The following SLC30A8 variants were observed in gnomAD, a reference collection of about 807,000 sequenced individuals.
SLC30A8 encodes proton-coupled zinc antiporter SLC30A8.
A neutral mutation model predicts 36.9 loss-of-function variants in SLC30A8; 27 were observed. The observed-to-expected ratio is 0.73, with a 90% CI of 0.54 to 1.01. The LOEUF (loss-of-function observed/expected upper bound fraction) is 1.01. Ranked by LOEUF, SLC30A8 falls within the 50% of genes least tolerant of loss-of-function variation. The pLI is 0.00. For synonymous variants in SLC30A8, 164 were observed against 172.4 expected, an observed-to-expected ratio of 0.95 and a Z score of 0.38; for missense variants, 439 against 452.0, an observed-to-expected ratio of 0.97 and a Z score of 0.26.
chr8:117,110,264 A>T (rs1180565045), intron 2 of SLC30A8, among the ~76,000 whole-genome samples: 2 of 152,224 alleles, frequency 1.3e-5, no homozygotes, highest in African/African-American at 2.4e-5. Flanking sequence ...ATTACTTAAA[A>T]AAAAAAAGCC....
At chr8:116,958,647 C>T (rs1448311671) in intron 1 of SLC30A8, among the ~76,000 whole-genome samples, 1 of 151,798 alleles carries the variant, frequency 6.6e-6, no homozygotes, top group African/African-American at 2.4e-5. Context: ...TTTGATGTGT[C>T]TATCTTTGTG....
At chr8:117,061,382 C>A (rs1344701076) in intron 2 of SLC30A8, among the ~76,000 whole-genome samples, 1 of 152,218 alleles carries the variant, frequency 6.6e-6, no homozygotes, top group Non-Finnish European at 1.5e-5. Flanking sequence ...TTTCTCATAG[C>A]ATTCCTATAA....
chr8:117,153,722 G>C (rs1822312238), intron 3 of SLC30A8, among the ~76,000 whole-genome samples: 1 of 138,626 alleles, frequency 7.2e-6, no homozygotes. Context: ...TCATGATAAG[G>C]GGTGTGTGTG....
At chr8:117,171,799 G>C (rs952439517) in intron 7 of SLC30A8, among the ~76,000 whole-genome samples, 1 of 152,124 alleles carries the variant, frequency 6.6e-6, no homozygotes, top group Non-Finnish European at 1.5e-5. Flanking sequence ...ACTGCCTCAA[G>C]AGAAAGCTCA....
intron 1 of SLC30A8, among the ~76,000 whole-genome samples, chr8:117,145,350 C>T (rs949588688): frequency 6.6e-6 from 1 of 151,596 alleles, no homozygotes; most frequent in African/African-American, 2.4e-5. Context: ...TTATTTTTCC[C>T]TCTACTTTGT....
chr8:117,049,898 A>G (rs1000522654), intron 2 of SLC30A8, among the ~76,000 whole-genome samples: 1 of 152,180 alleles, frequency 6.6e-6, no homozygotes, highest in Non-Finnish European at 1.5e-5. Context: ...ACTCTGAAAA[A>G]CAATCTTCCT....
chr8:117,015,684 G>A (rs1246668515), intron 1 of SLC30A8, among the ~76,000 whole-genome samples: 5 of 152,054 alleles, frequency 3.3e-5, no homozygotes, highest in African/African-American at 1.2e-4. Context: ...TTTTCCTCAT[G>A]ACATCTGTCT....
chr8:117,047,162 G>A (rs537614684), intron 2 of SLC30A8, among the ~76,000 whole-genome samples: 1 of 152,308 alleles, frequency 6.6e-6, no homozygotes, highest in Admixed American at 6.5e-5. Flanking sequence ...TTCCTTTGGA[G>A]GGAGTGTGGG....
intron 6 of SLC30A8, among the ~76,000 whole-genome samples, chr8:117,169,860 A>T (rs1823281820): frequency 6.6e-6 from 1 of 151,872 alleles, no homozygotes; most frequent in Admixed American, 6.6e-5. Context: ...TGACCCAAAC[A>T]CCTCCCACCA....
At chr8:117,073,159 A>G (rs149502989) in intron 2 of SLC30A8, among the ~76,000 whole-genome samples, 247 of 152,264 alleles carry the variant, frequency 1.6e-3, no homozygotes, top group African/African-American at 5.8e-3. Context: ...AAGTAGATGC[A>G]ATTCTACATG....
At chr8:117,097,693 A>G (rs1586507916) in intron 2 of SLC30A8, among the ~76,000 whole-genome samples, 1 of 10,630 alleles carries the variant, frequency 9.4e-5, no homozygotes, top group Non-Finnish European at 1.2e-4. Context: ...TATTATATAT[A>G]ATATATATAA....
At chr8:117,040,966 T>C (rs914748733) in intron 2 of SLC30A8, among the ~76,000 whole-genome samples, 2 of 152,166 alleles carry the variant, frequency 1.3e-5, no homozygotes. Context: ...TGTTAGGGGC[T>C]TTCTCCCATA....
intron 3 of SLC30A8, among the ~76,000 whole-genome samples, chr8:117,153,660 G>A (rs910243119): frequency 1.6e-4 from 10 of 61,040 alleles, no homozygotes; most frequent in African/African-American, 1.1e-3. Context: ...CCTTTCTTGC[G>A]CTGGTTCCTT....
chr8:117,154,669 C>CAGCG (rs540754140), intron 3 of SLC30A8, among the ~76,000 whole-genome samples: 2 of 152,182 alleles, frequency 1.3e-5, no homozygotes, highest in Non-Finnish European at 2.9e-5. Flanking sequence ...GGTGCTTGAA[C>CAGCG]AGCGCTACAC....
chr8:116,966,362 T>C (rs1472754648), intron 1 of SLC30A8, among the ~76,000 whole-genome samples: 1 of 152,144 alleles, frequency 6.6e-6, no homozygotes, highest in Non-Finnish European at 1.5e-5. Context: ...CCCGTAGATA[T>C]CTTGCTACTC....
rs558411004 is a variant in SLC30A8, at chr8:117,118,980, C to T, written c.-225-16300C>T. 2.6e-5 allele frequency among the ~76,000 whole-genome samples: 4 copies of T among 151,958 alleles called. No individual in the cohort carries two copies. The South Asian group carries it at 8.3e-4, about 32-fold the overall frequency. ...ATTCCTATGGGCCTCTGAGACAGGC[C>T]TAATGTCTGTGGGGATTCGGATTGG... On this transcript the variant is annotated intron_variant, in intron 2 of 10. Transcript: ENST00000427715.
intron 1 of SLC30A8, among the ~76,000 whole-genome samples, chr8:117,031,427 ATTC>A (rs914165929): frequency 1.3e-5 from 2 of 151,652 alleles, no homozygotes; most frequent in East Asian, 1.9e-4. Flanking sequence ...AAAGTCTTGA[ATTC>A]TTCTTCTTCT....
intron 2 of SLC30A8, among the ~76,000 whole-genome samples, chr8:117,109,087 T>C (rs1235791825): frequency 6.6e-6 from 1 of 152,048 alleles, no homozygotes; most frequent in Non-Finnish European, 1.5e-5. Flanking sequence ...AGTCACGAGG[T>C]TGAGTTTTAC....
At chr8:116,964,701 T>C (rs1235188787) in intron 1 of SLC30A8, among the ~76,000 whole-genome samples, 1 of 152,222 alleles carries the variant, frequency 6.6e-6, no homozygotes, top group Non-Finnish European at 1.5e-5. Context: ...CCCAGAGCTC[T>C]GTTTTTGTTT....
Sources: allele counts gnomAD v4.1 joint callset (sites outside exome capture counted in the v4.1 genomes callset), GRCh38; gene constraint gnomAD v4.1.1; transcripts MANE v1.5; gene names NCBI Gene and HGNC (gene_info 2026-07-23, HGNC 2026-07-21).